The following RIMS1 variants were observed in gnomAD, a reference collection of about 807,000 sequenced individuals.
RIMS1 encodes the protein regulating synaptic membrane exocytosis 1, also known as regulating synaptic membrane exocytosis protein 1.
A neutral mutation model predicts 214.1 loss-of-function variants in RIMS1; 83 were observed. The ratio of observed to expected loss-of-function variants is 0.39; its 90% CI spans 0.32 to 0.47. The LOEUF is 0.47. Ranked by LOEUF, RIMS1 falls within the 20% of genes least tolerant of loss-of-function variation. The pLI is 0.99. For missense variants in RIMS1, 2,050 were observed against 2,161.8 expected, an observed-to-expected ratio of 0.95 and a Z score of 1.03; for synonymous variants, 793 against 786.8, an observed-to-expected ratio of 1.01 and a Z score of -0.13.
At chr6:72,294,791 G>T (rs977744788) in intron 26 of RIMS1, among the ~76,000 whole-genome samples, 1 of 151,678 alleles carries the variant, frequency 6.6e-6, no homozygotes, top group African/African-American at 2.4e-5. Flanking sequence ...AATTGAGAAT[G>T]CTAGCCTATT....
At chr6:72,278,817 G>C (rs2088282767) in intron 23 of RIMS1, among the ~76,000 whole-genome samples, 1 of 151,932 alleles carries the variant, frequency 6.6e-6, no homozygotes, top group South Asian at 2.1e-4. Context: ...CTCTTATTTA[G>C]GTTGATTCTA....
At chr6:71,979,353 T>C (rs1484869126) in intron 2 of RIMS1, among the ~76,000 whole-genome samples, 2 of 152,040 alleles carry the variant, frequency 1.3e-5, no homozygotes, top group Non-Finnish European at 2.9e-5. Flanking sequence ...TTGGCTGGCA[T>C]ATGGAAGACA....
intron 31 of RIMS1, among the ~76,000 whole-genome samples, chr6:72,397,841 GA>G (rs1218839284): frequency 6.6e-6 from 1 of 152,106 alleles, no homozygotes; most frequent in Non-Finnish European, 1.5e-5. Flanking sequence ...GAGATTGATA[GA>G]AGTATAAGAA....
intron 2 of RIMS1, among the ~76,000 whole-genome samples, chr6:72,048,328 G>A (rs190230527): frequency 6.6e-6 from 1 of 152,196 alleles, no homozygotes; most frequent in East Asian, 1.9e-4. Context: ...TTCTTCCAAC[G>A]AAGTTCCTTT....
intron 4 of RIMS1, among the ~76,000 whole-genome samples, chr6:72,112,348 T>G (rs1371813275): frequency 6.6e-6 from 1 of 152,016 alleles, no homozygotes; most frequent in Non-Finnish European, 1.5e-5. Context: ...AAGACAAATC[T>G]GAGCAAGAAT....
chr6:72,143,058 G>C (rs538678311), intron 4 of RIMS1, among the ~76,000 whole-genome samples: 2 of 152,128 alleles, frequency 1.3e-5, no homozygotes, highest in South Asian at 2.1e-4. Flanking sequence ...GTATGTAGTG[G>C]ATAAAATTAT....
chr6:72,198,375 A>G (rs2051352509), intron 6 of RIMS1, among the ~76,000 whole-genome samples: 1 of 152,008 alleles, frequency 6.6e-6, no homozygotes, highest in Admixed American at 6.6e-5. Flanking sequence ...ATGGAACTGG[A>G]GGTTAAGTGA....
At chr6:71,994,462 A>G (rs1452170073) in intron 2 of RIMS1, among the ~76,000 whole-genome samples, 1 of 152,150 alleles carries the variant, frequency 6.6e-6, no homozygotes, top group African/African-American at 2.4e-5. Context: ...AAAACATAAG[A>G]CACAGCATGG....
At chr6:72,296,273 G>A (rs1726300983) in intron 26 of RIMS1, among the ~76,000 whole-genome samples, 1 of 151,600 alleles carries the variant, frequency 6.6e-6, no homozygotes, top group Non-Finnish European at 1.5e-5. Context: ...CATTTTCTTT[G>A]TTTCTGTTTG....
chr6:71,916,868 C>A (rs1341493123), intron 1 of RIMS1, among the ~76,000 whole-genome samples: 8 of 151,996 alleles, frequency 5.3e-5, no homozygotes, highest in Admixed American at 5.3e-4. Context: ...CAACCAGAGG[C>A]TTTATTTCTT....
chr6:72,141,092 A>G (rs2042027781), intron 4 of RIMS1, among the ~76,000 whole-genome samples: 1 of 152,020 alleles, frequency 6.6e-6, no homozygotes, highest in African/African-American at 2.4e-5. Flanking sequence ...CAATATTTTG[A>G]TAGACATTTC....
At chr6:72,247,188 C>A (rs2070384084) in intron 11 of RIMS1, among the ~76,000 whole-genome samples, 1 of 152,106 alleles carries the variant, frequency 6.6e-6, no homozygotes, top group East Asian at 1.9e-4. Flanking sequence ...GAGAGGAGAC[C>A]CAGCCTCCTC....
At chr6:72,150,971 T>C (rs183993354) in intron 4 of RIMS1, among the ~76,000 whole-genome samples, 2 of 152,364 alleles carry the variant, frequency 1.3e-5, no homozygotes, top group Admixed American at 1.3e-4. Context: ...CAGTCATAAA[T>C]GCATTTGAAA....
At chr6:72,219,010 A>C (rs2057408845) in intron 6 of RIMS1, among the ~76,000 whole-genome samples, 1 of 152,184 alleles carries the variant, frequency 6.6e-6, no homozygotes, top group African/African-American at 2.4e-5. Flanking sequence ...TTACCTGTGA[A>C]TGTTCCTGGC....
rs537160987 is a variant in RIMS1 at position 72,154,521 on chromosome 6, C to A, written c.472-25054C>A. Among the ~76,000 whole-genome samples, 3 of 140,364 alleles carry A rather than the reference C, an allele frequency of 2.1e-5. No homozygotes were observed. The South Asian group carries it at 7.1e-4, about 33-fold the overall frequency. 92.1% of individuals were successfully genotyped at this position (140,364 alleles called of 152,430 possible). On this transcript the variant is annotated intron_variant, in intron 4 of 33. Coordinates refer to ENST00000521978, the MANE Select transcript of RIMS1 (RefSeq NM_014989.7). ...ATGAGAAGTTAACAAATGAGAACAA[C>A]CTGGTGAGTTGAATGAGTAACATCA...
intron 1 of RIMS1, among the ~76,000 whole-genome samples, chr6:71,966,136 A>G (rs1583663956): frequency 6.6e-6 from 1 of 152,190 alleles, no homozygotes; most frequent in African/African-American, 2.4e-5. Flanking sequence ...TTGTGATTAG[A>G]AGCCCCCGAA....
chr6:72,220,682 A>G (rs1331946687), intron 6 of RIMS1, among the ~76,000 whole-genome samples: 1 of 152,094 alleles, frequency 6.6e-6, no homozygotes, highest in African/African-American at 2.4e-5. Context: ...CAAAGCTTAA[A>G]TCTCCAAAAG....
chr6:71,892,587 G>T (rs1157867857), intron 1 of RIMS1, among the ~76,000 whole-genome samples: 1 of 151,988 alleles, frequency 6.6e-6, no homozygotes, highest in Non-Finnish European at 1.5e-5. Flanking sequence ...TCTGCTTGCT[G>T]TTTTGCCCAC....
chr6:72,258,188 G>C lies in RIMS1; in HGVS notation c.2834G>C (p.Arg945Thr). 3 of 1,613,344 alleles carry C rather than the reference G, an allele frequency of 1.9e-6. No individual in the cohort carries two copies. Among genetic ancestry groups the C allele is most frequent in the Non-Finnish European group, 2.5e-6 (3 of 1,179,550 alleles). Reference sequence around the variant, plus strand: ...ACATTAACTGTGCCAGAACAGCAAAGAACAACTCATCACCGCTCACGTTCA... The same window carrying C: ...ACATTAACTGTGCCAGAACAGCAAACAACAACTCATCACCGCTCACGTTCA... Reference protein sequence around the residue: ...STTLTVPEQQRTTHHRSRSVS... With the variant: ...STTLTVPEQQTTTHHRSRSVS... The change falls in exon 17 of 34, where the codon AGA becomes ACA. Residue 945 changes from arginine (R) to threonine (T), a missense_variant. Coordinates refer to ENST00000521978, the MANE Select transcript of RIMS1 (RefSeq NM_014989.7).
Sources: allele counts gnomAD v4.1 joint callset (sites outside exome capture counted in the v4.1 genomes callset), GRCh38; gene constraint gnomAD v4.1.1; transcripts MANE v1.5; gene names NCBI Gene and HGNC (gene_info 2026-07-23, HGNC 2026-07-21).